MYLK: variants seen among roughly 807,000 people sequenced by gnomAD.
The protein encoded by MYLK is myosin light chain kinase, smooth muscle.
In MYLK, 106 loss-of-function variants were observed where a neutral mutation model predicts 203.4. The observed-to-expected ratio is 0.52, with a 90% CI of 0.45 to 0.61. The LOEUF is 0.61. MYLK is among the 20% of genes least tolerant of loss of function. MYLK has a pLI of 0.00. For synonymous variants in MYLK, 867 were observed against 959.5 expected (o/e 0.90, Z 1.78); for missense variants, 2,072 against 2,442.3 (o/e 0.85, Z 3.20).
chr3:123,752,793 G>C (rs2063242697), intron 4 of MYLK, among the ~76,000 whole-genome samples: 1 of 152,140 alleles, frequency 6.6e-6, no homozygotes, highest in South Asian at 2.1e-4. Context: ...AAGCCCGGCT[G>C]CATTTTAGAA....
intron 19 of MYLK, among the ~76,000 whole-genome samples, chr3:123,684,373 C>T (rs916360384): frequency 4.6e-5 from 7 of 152,180 alleles, no homozygotes; most frequent in African/African-American, 1.7e-4. Context: ...GCAGAAAAAC[C>T]TAGCAGAGCC....
At chr3:123,859,467 C>T (rs1186426519) in intron 2 of MYLK, among the ~76,000 whole-genome samples, 2 of 152,224 alleles carry the variant, frequency 1.3e-5, no homozygotes, top group African/African-American at 4.8e-5. Flanking sequence ...ACTCCAAGTC[C>T]GTGACAAGTT....
chr3:123,724,963 T>C (rs2062228585), intron 12 of MYLK, among the ~76,000 whole-genome samples: 1 of 152,136 alleles, frequency 6.6e-6, no homozygotes, highest in Admixed American at 6.5e-5. Context: ...CAGGCTGGTC[T>C]CGAACTCCTG....
intron 5 of MYLK, among the ~76,000 whole-genome samples, chr3:123,747,622 G>T (rs1343581146): frequency 6.6e-6 from 1 of 152,170 alleles, no homozygotes; most frequent in Non-Finnish European, 1.5e-5. Context: ...CTGGCGGCTG[G>T]AAATGCAGAC....
chr3:123,819,423 G>A (rs2065848644), intron 3 of MYLK, among the ~76,000 whole-genome samples: 1 of 152,138 alleles, frequency 6.6e-6, no homozygotes, highest in Non-Finnish European at 1.5e-5. Flanking sequence ...GGAAAATGAT[G>A]ATGTTCTGAT....
chr3:123,827,668 T>A (rs1311959297), intron 3 of MYLK, among the ~76,000 whole-genome samples: 1 of 127,316 alleles, frequency 7.9e-6, no homozygotes, highest in African/African-American at 2.9e-5. Flanking sequence ...GATTCTTACA[T>A]CTGGAAATGA....
rs748312013 is a variant in MYLK, at chr3:123,737,523, C to T, written c.609G>A (p.Pro203=). The T allele has an allele frequency of 2.2e-5, 35 of 1,614,054 alleles. No individual in the cohort carries two copies. The Admixed American group carries it at 3.0e-4, about 14-fold the overall frequency. The change falls in exon 8 of 34, where the codon CCG becomes CCA. Residue 203 remains proline, a synonymous_variant. Transcript: ENST00000360304. ...TCTCAGACACAGACACACGGGCACTCGGCTGCAGTGGAACATTTCCCTGTG... is the reference window on the plus strand; with the variant it reads ...TCTCAGACACAGACACACGGGCACTTGGCTGCAGTGGAACATTTCCCTGTG... ...TWLKGNVPLQ[P]SARVSVSEKN...
chr3:123,771,503 A>T (rs943782112), intron 4 of MYLK, among the ~76,000 whole-genome samples: 4 of 152,204 alleles, frequency 2.6e-5, no homozygotes, highest in Non-Finnish European at 4.4e-5. Flanking sequence ...TTCTCCTTTT[A>T]TATAAATGTT....
At chr3:123,626,769 A>C in intron 31 of MYLK, 49 bp downstream of exon 31, 4 of 1,613,712 alleles carry the variant, frequency 2.5e-6, no homozygotes, top group Non-Finnish European at 3.4e-6. Context: ...GGCTTGAACA[A>C]CACAAATATG....
chr3:123,710,091 G>A (rs370671520), intron 13 of MYLK, among the ~76,000 whole-genome samples, 198 bp from the exon 14 acceptor site: 16 of 152,220 alleles, frequency 1.1e-4, no homozygotes, highest in East Asian at 5.8e-4. Flanking sequence ...TGGCAATGAC[G>A]ATGTTCTTGC....
chr3:123,639,533 C>G (rs1480840459), intron 28 of MYLK, among the ~76,000 whole-genome samples: 10 of 152,176 alleles, frequency 6.6e-5, no homozygotes, highest in Non-Finnish European at 1.5e-4. Flanking sequence ...CCTCAATCAC[C>G]GGGACATCAA....
chr3:123,658,650 C>T (rs2059466517), intron 23 of MYLK, among the ~76,000 whole-genome samples: 1 of 152,122 alleles, frequency 6.6e-6, no homozygotes, highest in Non-Finnish European at 1.5e-5. Context: ...GAGAATGGTG[C>T]TAATATGTTC....
intron 19 of MYLK, among the ~76,000 whole-genome samples, chr3:123,682,862 G>T (rs554126384): frequency 2.0e-5 from 3 of 152,238 alleles, no homozygotes; most frequent in African/African-American, 7.2e-5. Flanking sequence ...CCTCTGAGAC[G>T]GGGTCTAGGC....
intron 3 of MYLK, among the ~76,000 whole-genome samples, chr3:123,818,000 C>A (rs1450148813): frequency 1.3e-5 from 2 of 152,160 alleles, no homozygotes; most frequent in Non-Finnish European, 2.9e-5. Context: ...CTTCCATTGC[C>A]CAGCTCCTAT....
chr3:123,796,503 C>A (rs2064992559), intron 3 of MYLK, among the ~76,000 whole-genome samples: 1 of 152,154 alleles, frequency 6.6e-6, no homozygotes, highest in Non-Finnish European at 1.5e-5. Flanking sequence ...TTAAAATATT[C>A]TGTAATACTA....
rs542778496 is a variant in MYLK at position 123,640,919 on chromosome 3, TCA to T, written c.4620-417_4620-416del. 1.8e-4 allele frequency among the ~76,000 whole-genome samples: 28 copies of T among 152,308 alleles called. 1 individual carries two copies. In the East Asian group the frequency reaches 5.2e-3, roughly 28 times the overall value. ...CACAGGGAACTCAAGTTCAAAATAC[TCA>T]CAGTTCCCACAAGCATTTGTTCTGC... is the stretch of plus-strand genomic sequence containing the variant. On this transcript the variant is annotated intron_variant, in intron 27 of 33. Transcript: ENST00000360304. This position sits in a 1 kb window ranked among gnomAD's most constrained non-coding sequence, Gnocchi z 4.3.
At chr3:123,724,747 T>C (rs78135669) in intron 12 of MYLK, among the ~76,000 whole-genome samples, 1 of 734 alleles carries the variant, frequency 1.4e-3, no homozygotes, top group African/African-American at 1.4e-3. Context: ...CTCTTTCATT[T>C]ATTTATTTAT....
chr3:123,837,644 A>G (rs1457560229), intron 2 of MYLK, among the ~76,000 whole-genome samples: 1 of 151,836 alleles, frequency 6.6e-6, no homozygotes. Flanking sequence ...GATCACCTCA[A>G]TGAATTTAGT....
chr3:123,713,260 C>A (rs72970834), intron 13 of MYLK, among the ~76,000 whole-genome samples: 9,690 of 152,130 alleles, frequency 0.064, 727 homozygotes, highest in African/African-American at 0.17. Context: ...TGTTCTCAGA[C>A]CGGCAAGGTG....
Sources: gnomAD v4.1 joint callset for allele counts (sites outside exome capture counted in the v4.1 genomes callset) on GRCh38, gnomAD v4.1.1 for gene constraint, Gnocchi (gnomAD v3.1) non-coding constraint, MANE v1.5 for transcripts, NCBI Gene and HGNC (gene_info 2026-07-23, HGNC 2026-07-21) for gene names.